Variants in SPAG16 observed in about 807,000 individuals in gnomAD.
SPAG16 encodes the protein sperm associated antigen 16.
In SPAG16, 86 loss-of-function variants were observed where a neutral mutation model predicts 80.4. The ratio of observed to expected loss-of-function variants is 1.07; its 90% confidence interval spans 0.90 to 1.28. SPAG16 has a LOEUF of 1.28. Ranked by LOEUF, SPAG16 falls within the 50% of genes most tolerant of loss-of-function variation. SPAG16 has a pLI of 0.00. For missense variants in SPAG16, 870 were observed against 765.3 expected, an observed-to-expected ratio of 1.14 and a Z score of -1.61; for synonymous variants, 294 against 265.9, an observed-to-expected ratio of 1.11 and a Z score of -1.03.
chr2:214,379,307 A>AACTT (rs1393404867), intron 15 of SPAG16, among the ~76,000 whole-genome samples: 2 of 152,230 alleles, frequency 1.3e-5, no homozygotes, highest in African/African-American at 4.8e-5. Flanking sequence ...TTTAATCTCC[A>AACTT]ACTTCCAATG....
chr2:213,643,360 A>C (rs2062684986), intron 10 of SPAG16, among the ~76,000 whole-genome samples: 1 of 8,050 alleles, frequency 1.2e-4, no homozygotes, highest in African/African-American at 6.2e-4. Context: ...ATATATATAT[A>C]TATATATATA....
intron 13 of SPAG16, among the ~76,000 whole-genome samples, chr2:214,082,613 C>T (rs1245958516): frequency 1.3e-5 from 2 of 152,148 alleles, no homozygotes; most frequent in South Asian, 2.1e-4. Flanking sequence ...TTGCCAGATA[C>T]AGTGGTTCTC....
rs185215670 is a variant in SPAG16 at position 213,346,365 on chromosome 2, C to T, written c.645-4163C>T. Among the ~76,000 whole-genome samples, 17 of 152,272 alleles carry T rather than the reference C, an allele frequency of 1.1e-4. No individual in the cohort carries two copies. The East Asian group carries it at 1.2e-3, about 10-fold the overall frequency. On this transcript the variant is annotated intron_variant, in intron 6 of 15. Coordinates refer to ENST00000331683, the MANE Select transcript of SPAG16 (RefSeq NM_024532.5). ...GACTTCCTCTTTTCCTAATTGAATA[C>T]GCTTTATTTCCTTCTCCTGCCTGAT...
At chr2:213,913,107 T>C (rs1011459981) in intron 11 of SPAG16, among the ~76,000 whole-genome samples, 2 of 152,138 alleles carry the variant, frequency 1.3e-5, no homozygotes, top group Admixed American at 6.6e-5. Context: ...GAATATTTTA[T>C]TTTTACTTCA....
chr2:214,373,905 G>A (rs1026315970), intron 15 of SPAG16, among the ~76,000 whole-genome samples: 4 of 152,276 alleles, frequency 2.6e-5, no homozygotes, highest in African/African-American at 4.8e-5. Context: ...ATCTTTGAGC[G>A]CACACTATGT....
intron 10 of SPAG16, among the ~76,000 whole-genome samples, chr2:213,698,694 C>T (rs1164839663): frequency 6.6e-6 from 1 of 152,156 alleles, no homozygotes; most frequent in Admixed American, 6.5e-5. Flanking sequence ...CTGTTCTGTA[C>T]ACCTTATTGT....
At chr2:214,304,440 G>A (rs1193427588) in intron 15 of SPAG16, among the ~76,000 whole-genome samples, 1 of 152,210 alleles carries the variant, frequency 6.6e-6, no homozygotes, top group Admixed American at 6.5e-5. Flanking sequence ...ACATGCTCCT[G>A]CTGCAGATAA....
In SPAG16 at chr2:214,244,178, G is replaced by T. The variant is rs1028224793; in HGVS notation, c.1720+94912G>T. Among the ~76,000 whole-genome samples, 11 of 151,826 alleles carry T rather than the reference G, an allele frequency of 7.2e-5. 1 individual carries two copies. The highest frequency in any genetic ancestry group is 2.2e-4 in the African/African-American group (9 of 41,450). On this transcript the variant is annotated intron_variant, in intron 15 of 15. Coordinates refer to ENST00000331683, the MANE Select transcript of SPAG16 (RefSeq NM_024532.5). ...AAAATACTGAAAAATATTTAAATTG[G>T]ATATATTTAAAATAATTACTTTTTT...
intron 12 of SPAG16, among the ~76,000 whole-genome samples, chr2:213,961,072 A>G (rs372671778): frequency 6.6e-6 from 1 of 152,212 alleles, no homozygotes; most frequent in Admixed American, 6.5e-5. Context: ...AAGAGCCGAA[A>G]TTGACCAAAA....
At chr2:213,497,663 C>A (rs16850422) in intron 10 of SPAG16, among the ~76,000 whole-genome samples, 13,170 of 151,966 alleles carry the variant, frequency 0.087, 1,429 homozygotes, top group African/African-American at 0.25. Context: ...GCATTGTTGG[C>A]CATACTATAA....
At chr2:213,746,348 T>C (rs979174060) in intron 10 of SPAG16, among the ~76,000 whole-genome samples, 8 of 152,184 alleles carry the variant, frequency 5.3e-5, no homozygotes, top group African/African-American at 1.9e-4. Context: ...TTTTGGTCAA[T>C]GATGAACCAC....
intron 10 of SPAG16, among the ~76,000 whole-genome samples, chr2:213,730,999 A>AT (rs1443671895): frequency 6.6e-6 from 1 of 151,326 alleles, no homozygotes; most frequent in African/African-American, 2.4e-5. Context: ...ACATTTTTTT[A>AT]TTTTTTTATG....
intron 12 of SPAG16, among the ~76,000 whole-genome samples, chr2:213,936,156 A>C (rs1397922373): frequency 1.3e-5 from 2 of 152,156 alleles, no homozygotes; most frequent in East Asian, 3.9e-4. Flanking sequence ...GAATATTCCA[A>C]GCTCTTCTGA....
chr2:213,397,027 G>C (rs2068075502), intron 9 of SPAG16, among the ~76,000 whole-genome samples: 1 of 152,074 alleles, frequency 6.6e-6, no homozygotes, highest in African/African-American at 2.4e-5. Context: ...TTCACCTTCT[G>C]TGCTAATGAA....
At chr2:213,480,150 T>A (rs1438094231) in intron 9 of SPAG16, among the ~76,000 whole-genome samples, 2 of 152,218 alleles carry the variant, frequency 1.3e-5, no homozygotes, top group Non-Finnish European at 2.9e-5. Context: ...TAGTAGAAGT[T>A]AGTTATTTTA....
At chr2:213,753,300 C>T (rs2068168274) in intron 10 of SPAG16, among the ~76,000 whole-genome samples, 1 of 152,146 alleles carries the variant, frequency 6.6e-6, no homozygotes, top group African/African-American at 2.4e-5. Flanking sequence ...GTGTGAGCTG[C>T]TGCGCCCAGC....
intron 15 of SPAG16, among the ~76,000 whole-genome samples, chr2:214,343,735 T>G (rs977642412): frequency 2.6e-5 from 4 of 152,138 alleles, no homozygotes; most frequent in African/African-American, 9.6e-5. Context: ...AAGAATGTCT[T>G]CTGAATTAAC....
At chr2:213,606,945 T>C (rs2061283159) in intron 10 of SPAG16, among the ~76,000 whole-genome samples, 2 of 152,304 alleles carry the variant, frequency 1.3e-5, no homozygotes, top group African/African-American at 4.8e-5. Flanking sequence ...AAGGTTTTAA[T>C]AGAGAAGGCA....
At chr2:213,646,319 A>C (rs556943405) in intron 10 of SPAG16, among the ~76,000 whole-genome samples, 2 of 152,164 alleles carry the variant, frequency 1.3e-5, no homozygotes, top group African/African-American at 4.8e-5. Context: ...GGAGTCTTCT[A>C]TTCCACCATT....
Sources: allele counts gnomAD v4.1 joint callset (sites outside exome capture counted in the v4.1 genomes callset), GRCh38; gene constraint gnomAD v4.1.1; transcripts MANE v1.5; gene names NCBI Gene and HGNC (gene_info 2026-07-23, HGNC 2026-07-21).